Variants in ADAMTS14 observed in about 807,000 individuals in gnomAD.
The protein encoded by ADAMTS14 is A disintegrin and metalloproteinase with thrombospondin motifs 14.
Under a neutral mutation model 128.6 loss-of-function variants are expected in ADAMTS14, and 100 were observed. The ratio of observed to expected loss-of-function variants is 0.78; its 90% CI spans 0.66 to 0.92. The LOEUF is 0.92. ADAMTS14 is among the 40% of genes least tolerant of loss of function. ADAMTS14 has a pLI of 0.00. For missense variants in ADAMTS14, 1,562 were observed against 1,658.6 expected, an observed-to-expected ratio of 0.94 and a Z score of 1.01; for synonymous variants, 665 against 653.8, an observed-to-expected ratio of 1.02 and a Z score of -0.26.
intron 4 of ADAMTS14, among the ~76,000 whole-genome samples, chr10:70,716,652 A>C (rs1273857955): frequency 6.6e-6 from 1 of 152,140 alleles, no homozygotes; most frequent in Non-Finnish European, 1.5e-5. Context: ...TTGCCTTTGC[A>C]TTCCCCTTGG....
At chr10:70,682,564 A>G (rs188545589) in intron 2 of ADAMTS14, among the ~76,000 whole-genome samples, 1 of 151,796 alleles carries the variant, frequency 6.6e-6, no homozygotes, top group Admixed American at 6.6e-5. Context: ...AGTGGGGATC[A>G]TAATAGTAAT....
intron 2 of ADAMTS14, among the ~76,000 whole-genome samples, chr10:70,697,051 A>G (rs4747078): frequency 0.099 from 15,062 of 152,244 alleles, 1,583 homozygotes; most frequent in East Asian, 0.54. Context: ...GTCGGTGGAA[A>G]TAAAGCCCTT....
rs1841540766 is a variant in ADAMTS14 at position 70,729,199 on chromosome 10, G to A, written c.871-95G>A. ...TATCTTGCCTGATAAGGTCACGGTG[G>A]GGATACCATATGTTAGGTACCTACC... is the stretch of plus-strand genomic sequence containing the variant. On this transcript the variant is annotated intron_variant, in intron 4 of 21. Coordinates refer to ENST00000373207, the MANE Select transcript of ADAMTS14 (RefSeq NM_080722.4). The A allele has an allele frequency of 1.2e-5, 13 of 1,042,042 alleles. No individual in the cohort carries two copies. In the South Asian group the frequency reaches 1.7e-4, roughly 14 times the overall value. The allele number at this position is 1,042,042 out of a possible 1,614,324, so 64.5% of individuals were successfully genotyped here. A position where few individuals can be genotyped will look rare whatever the true frequency, so the allele number is the denominator to read the frequency against.
intron 2 of ADAMTS14, among the ~76,000 whole-genome samples, chr10:70,676,181 T>G (rs1589253233): frequency 1.3e-5 from 2 of 151,026 alleles, no homozygotes; most frequent in East Asian, 2.0e-4. Flanking sequence ...CAGGCTGGAG[T>G]GCAGTGGCTA....
chr10:70,719,398 ACACACACACACAC>A (rs1841175222), intron 4 of ADAMTS14, among the ~76,000 whole-genome samples: 2 of 149,972 alleles, frequency 1.3e-5, no homozygotes, highest in South Asian at 4.3e-4. Context: ...ACACACACAC[ACACACACACACAC>A]ACTTTTTAGA....
intron 2 of ADAMTS14, among the ~76,000 whole-genome samples, chr10:70,698,072 C>T (rs530925208): frequency 1.3e-5 from 2 of 152,146 alleles, no homozygotes; most frequent in Non-Finnish European, 2.9e-5. Context: ...GTATGTGGCT[C>T]AATTGGATGT....
At chr10:70,727,057 TG>T (rs1369673336) in intron 4 of ADAMTS14, among the ~76,000 whole-genome samples, 1 of 152,238 alleles carries the variant, frequency 6.6e-6, no homozygotes, top group Non-Finnish European at 1.5e-5. Flanking sequence ...GGAAGGCCCA[TG>T]GCTGAAGCCT....
rs1472690126 is a variant in ADAMTS14, at chr10:70,718,661, C to G, written c.870+9883C>G. Among the ~76,000 whole-genome samples the G allele has an allele frequency of 1.4e-4, 21 of 149,762 alleles. No homozygotes were observed. The East Asian group carries it at 3.9e-3, about 28-fold the overall frequency. On this transcript the variant is annotated intron_variant, in intron 4 of 21. Transcript: ENST00000373207. ...TCAGCCTCCCAAAGTGCTGGGATTA[C>G]AGGTGTGAGCCAGGGTGCCCAGCCT...
intron 7 of ADAMTS14, 107 bp downstream of exon 7, chr10:70,732,466 T>A: frequency 1.0e-6 from 1 of 990,104 alleles, no homozygotes; most frequent in Non-Finnish European, 1.5e-6. Flanking sequence ...TCCAGTGTCC[T>A]GGGAGGTGTC....
intron 4 of ADAMTS14, among the ~76,000 whole-genome samples, chr10:70,709,423 A>AG (rs1223597217): frequency 7.4e-6 from 1 of 134,852 alleles, no homozygotes; most frequent in African/African-American, 2.8e-5. Flanking sequence ...TCAGAAATGT[A>AG]GTTTTTTTTT....
At chr10:70,684,802 C>T (rs1357091830) in intron 2 of ADAMTS14, among the ~76,000 whole-genome samples, 4 of 152,196 alleles carry the variant, frequency 2.6e-5, no homozygotes, top group African/African-American at 9.6e-5. Context: ...GAGGCCCCCT[C>T]CTGTCTGGGC....
At chr10:70,731,523 C>T (rs112065696) in intron 6 of ADAMTS14, among the ~76,000 whole-genome samples, 35 of 152,300 alleles carry the variant, frequency 2.3e-4, no homozygotes, top group African/African-American at 8.2e-4. Flanking sequence ...ACACAGGCCT[C>T]ATGCATGGTA....
intron 4 of ADAMTS14, among the ~76,000 whole-genome samples, chr10:70,726,988 C>T (rs1406423646): frequency 6.6e-6 from 1 of 152,206 alleles, no homozygotes; most frequent in Non-Finnish European, 1.5e-5. Context: ...GAGCTGCTTC[C>T]CCTCAGTGGG....
chr10:70,747,316 T>C (rs952412389), intron 15 of ADAMTS14, among the ~76,000 whole-genome samples: 15 of 152,268 alleles, frequency 9.9e-5, no homozygotes, highest in Admixed American at 9.1e-4. Flanking sequence ...ATGAGGAGTA[T>C]GGGCAGAGCC....
In ADAMTS14 at chr10:70,760,604, G is replaced by A. The variant is rs780757981; in HGVS notation, c.3423G>A (p.Glu1141=). 12 of 1,613,980 alleles carry A rather than the reference G, an allele frequency of 7.4e-6. No homozygotes were observed. Among genetic ancestry groups the A allele is most frequent in the African/African-American group, 1.3e-5 (1 of 74,926 alleles). The change falls in exon 22 of 22, where the codon GAG becomes GAA. Residue 1141 remains glutamate (E), a synonymous_variant. Coordinates refer to ENST00000373207, the MANE Select transcript of ADAMTS14 (RefSeq NM_080722.4). ...CTCCTGGAAAGCCAACGGGATCAGA[G>A]GACCATCAGCATGGCCGAGCCACAC... ...AEPPGKPTGS[E]DHQHGRATQL... is the part of the protein sequence containing the mutation.
intron 4 of ADAMTS14, among the ~76,000 whole-genome samples, chr10:70,717,659 C>T (rs956824596): frequency 4.6e-5 from 7 of 152,108 alleles, no homozygotes; most frequent in East Asian, 3.9e-4. Flanking sequence ...ATTGGGGAAC[C>T]TCCTAGGGCC....
intron 10 of ADAMTS14, among the ~76,000 whole-genome samples, chr10:70,737,543 C>G (rs1457685907): frequency 6.6e-6 from 1 of 152,206 alleles, no homozygotes; most frequent in Non-Finnish European, 1.5e-5. Context: ...AGCCCAGCCC[C>G]AGGGCCACCC....
rs1839524288 is a variant in ADAMTS14 at position 70,672,892 on chromosome 10, C to G, written c.82+8C>G. On this transcript the variant is annotated splice_region_variant and intron_variant, in intron 1 of 21. Transcript: ENST00000373207. ...CGGGCAGCCGGACCCCAGGTGCGTG[C>G]GGGTTGGGCGCGCGGGGGCCCGTGG... The G allele has an allele frequency of 6.8e-7, 1 of 1,464,798 alleles. No individual in the cohort carries two copies. The highest frequency in any genetic ancestry group is 1.5e-5 in the African/African-American group (1 of 67,790). The allele number at this position is 1,464,798 out of a possible 1,614,324, so 90.7% of individuals were successfully genotyped here.
At chr10:70,707,112 C>T (rs1444026445) in intron 3 of ADAMTS14, among the ~76,000 whole-genome samples, 1 of 152,230 alleles carries the variant, frequency 6.6e-6, no homozygotes, top group Non-Finnish European at 1.5e-5. Context: ...GGGGTGCCTT[C>T]TCTGATCAGT....
Sources: gnomAD v4.1 joint callset for allele counts (sites outside exome capture counted in the v4.1 genomes callset) on GRCh38, gnomAD v4.1.1 for gene constraint, MANE v1.5 for transcripts, NCBI Gene and HGNC (gene_info 2026-07-23, HGNC 2026-07-21) for gene names.